Variants in SGCG observed in about 807,000 individuals in gnomAD.
SGCG encodes gamma-sarcoglycan.
A neutral mutation model predicts 29.3 loss-of-function variants in SGCG; 26 were observed. The observed-to-expected ratio is 0.89, with a 90% CI of 0.65 to 1.23. The LOEUF is 1.23. Ranked by LOEUF, SGCG falls within the 50% of genes most tolerant of loss-of-function variation. The pLI, the probability that SGCG is intolerant of heterozygous loss-of-function variation, is 0.00. For missense variants in SGCG, 353 were observed against 356.0 expected (o/e 0.99, Z 0.07); for synonymous variants, 145 against 129.7 (o/e 1.12, Z -0.80).
At chr13:23,168,213 T>G in the SGCG span, among the ~76,000 whole-genome samples, 1 of 152,208 alleles carries the variant, frequency 6.6e-6, no homozygotes, top group Admixed American at 6.5e-5. Context: ...AGAAGCTTTT[T>G]AACTTGATGT....
chr13:23,234,363 G>A (rs572715056), intron 2 of SGCG, among the ~76,000 whole-genome samples: 17 of 151,724 alleles, frequency 1.1e-4, no homozygotes, highest in Non-Finnish European at 2.4e-4. Flanking sequence ...ATGGTGATGG[G>A]CTCTTGAGTA....
chr13:23,176,269 C>A (rs1361002), upstream of SGCG, among the ~76,000 whole-genome samples: 102,508 of 151,358 alleles, frequency 0.68, 34,920 homozygotes, highest in East Asian at 0.79. Flanking sequence ...AGTTCATTGA[C>A]GGCTCACTAC....
Position 23,250,676 on chromosome 13 carries a change from C to A in SGCG, c.344C>A (p.Ala115Glu), listed in dbSNP as rs774245371. ...LQSTQNVTVN[A>E]RNSEGEVTGR... ...TCAACCCAGAATGTGACTGTAAATG[C>A]GCGCAACTCAGAAGGGGAGGTCACA... Residue 115 changes from alanine (A) to glutamate (E), a missense_variant, in exon 4 of 8, where the codon GCG (alanine) becomes GAG (glutamate). Ala to Glu is a moderately radical substitution (Grantham distance 107). Transcript: ENST00000218867. The A allele has an allele frequency of 1.2e-6, 2 of 1,612,740 alleles. No homozygotes were observed. The highest frequency in any genetic ancestry group is 1.1e-5 in the South Asian group (1 of 90,990).
intron 2 of SGCG, among the ~76,000 whole-genome samples, chr13:23,225,378 G>C (rs1333942706): frequency 2.0e-5 from 3 of 152,170 alleles, no homozygotes; most frequent in African/African-American, 4.8e-5. Flanking sequence ...TATTTCGTGA[G>C]GAGGTAGTTT....
At chr13:23,177,551 A>T (rs1167142731), upstream of SGCG, among the ~76,000 whole-genome samples, 2 of 142,988 alleles carry the variant, frequency 1.4e-5, no homozygotes, top group African/African-American at 5.1e-5. Context: ...GAAAACTGAT[A>T]GTGGCATGTG....
intron 6 of SGCG, among the ~76,000 whole-genome samples, chr13:23,299,444 A>ATTTTTTT (rs1566037511): frequency 2.5e-3 from 14 of 5,630 alleles, no homozygotes; most frequent in Admixed American, 5.6e-3. Flanking sequence ...ATATATATAT[A>ATTTTTTT]TATATATATA....
chr13:23,262,802 G>C (rs1590596), intron 4 of SGCG, among the ~76,000 whole-genome samples: 26,423 of 151,908 alleles, frequency 0.17, 2,576 homozygotes, highest in Admixed American at 0.23. Context: ...ATAATATCAA[G>C]TATCTTCTCA....
intron 2 of SGCG, among the ~76,000 whole-genome samples, chr13:23,215,137 A>G (rs1878378372): frequency 6.6e-6 from 1 of 152,182 alleles, no homozygotes; most frequent in African/African-American, 2.4e-5. Flanking sequence ...TTGGTCTCCT[A>G]AGCTTCAGGC....
intron 2 of SGCG, among the ~76,000 whole-genome samples, chr13:23,233,125 G>A (rs1372154579): frequency 6.6e-6 from 1 of 152,136 alleles, no homozygotes; most frequent in Non-Finnish European, 1.5e-5. Context: ...CATGTTCATA[G>A]CAGCAGCATT....
At chr13:23,172,272 A>G in the SGCG span, among the ~76,000 whole-genome samples, 1 of 152,014 alleles carries the variant, frequency 6.6e-6, no homozygotes, top group African/African-American at 2.4e-5. Flanking sequence ...GTTTGTTTTA[A>G]GGTTTAGGTT....
intron 6 of SGCG, among the ~76,000 whole-genome samples, chr13:23,309,078 C>T (rs1236658682): frequency 6.6e-6 from 1 of 152,024 alleles, no homozygotes; most frequent in African/African-American, 2.4e-5. Flanking sequence ...TATTAGAATT[C>T]ATTACCAGGG....
intron 3 of SGCG, among the ~76,000 whole-genome samples, 175 bp downstream of exon 3, chr13:23,234,887 CTAAAAA>C (rs1466232806): frequency 1.3e-5 from 2 of 152,122 alleles, no homozygotes; most frequent in Non-Finnish European, 2.9e-5. Context: ...ATATTACCTT[CTAAAAA>C]TATTTCAATT....
chr13:23,188,777 T>C (rs1487953940), intron 1 of SGCG, among the ~76,000 whole-genome samples: 7 of 152,168 alleles, frequency 4.6e-5, no homozygotes, highest in Non-Finnish European at 1.0e-4. Context: ...GCCTAGCTCA[T>C]GGGCCTATGA....
chr13:23,299,444 A>ATTTTT (rs1566037511), intron 6 of SGCG, among the ~76,000 whole-genome samples: 9 of 5,632 alleles, frequency 1.6e-3, no homozygotes, highest in Non-Finnish European at 2.7e-3. Context: ...ATATATATAT[A>ATTTTT]TATATATATA....
chr13:23,311,811 G>T (rs1168896849), intron 6 of SGCG, among the ~76,000 whole-genome samples: 1 of 152,034 alleles, frequency 6.6e-6, no homozygotes, highest in Non-Finnish European at 1.5e-5. Flanking sequence ...TTAGAAAATA[G>T]ATTTTTTTCA....
At position 23,324,418 on chromosome 13, in the gene SGCG, G is replaced by T. The variant is rs748332364; in HGVS notation, c.753G>T (p.Thr251=). 1 of 1,614,116 alleles carries T rather than the reference G, an allele frequency of 6.2e-7. No individual in the cohort carries two copies. Among genetic ancestry groups the T allele is most frequent in the Admixed American group, 1.7e-5 (1 of 60,020 alleles). Residue 251 remains threonine, a synonymous_variant, in exon 8 of 8, where the codon ACG becomes ACT. Coordinates refer to ENST00000218867, the MANE Select transcript of SGCG (RefSeq NM_000231.3). ...GCTTACCCAAGCTGGTGCAGGGGAC[G>T]TGGGGTCCCTCTGGCAGCTCACAGA... is the stretch of plus-strand genomic sequence containing the variant. ...TVCLPKLVQG[T]WGPSGSSQSL...
intron 3 of SGCG, among the ~76,000 whole-genome samples, chr13:23,249,634 A>T (rs994197843): frequency 7.2e-5 from 11 of 152,324 alleles, no homozygotes; most frequent in African/African-American, 2.4e-4. Context: ...GATTTTTTTT[A>T]AATCAATAGT....
intron 6 of SGCG, among the ~76,000 whole-genome samples, chr13:23,296,235 CAA>C (rs1881903644): frequency 6.6e-6 from 1 of 152,192 alleles, no homozygotes; most frequent in Non-Finnish European, 1.5e-5. Flanking sequence ...TAGTGGAAGA[CAA>C]AGGTGCCTTA....
chr13:23,164,091 G>C, the SGCG span, among the ~76,000 whole-genome samples: 6 of 152,104 alleles, frequency 3.9e-5, no homozygotes, highest in African/African-American at 1.4e-4. Context: ...TGGTAACCAG[G>C]TTTTTGTTTT....
Sources: allele counts gnomAD v4.1 joint callset (sites outside exome capture counted in the v4.1 genomes callset), GRCh38; gene constraint gnomAD v4.1.1; transcripts MANE v1.5; gene names NCBI Gene and HGNC (gene_info 2026-07-23, HGNC 2026-07-21).